The following CSMD1 variants were observed in gnomAD, a reference collection of about 807,000 sequenced individuals.
CSMD1 encodes the protein CUB and Sushi multiple domains 1.
A neutral mutation model predicts 417.5 loss-of-function variants in CSMD1; 213 were observed. The observed-to-expected ratio is 0.51, with a 90% CI of 0.46 to 0.57. The LOEUF (loss-of-function observed/expected upper bound fraction) is 0.57, where lower values mean the gene tolerates loss of function less well. CSMD1 is among the 20% of genes least tolerant of loss of function. CSMD1 has a pLI of 0.00. For synonymous variants in CSMD1, 2,862 were observed against 1,736.8 expected, an observed-to-expected ratio of 1.65 and a Z score of -16.11; for missense variants, 6,923 against 4,529.7, an observed-to-expected ratio of 1.53 and a Z score of -15.17.
chr8:3,549,172 G>T (rs951207357), intron 10 of CSMD1, among the ~76,000 whole-genome samples: 1 of 152,148 alleles, frequency 6.6e-6, no homozygotes, highest in African/African-American at 2.4e-5. Context: ...TACAGCTCAC[G>T]GTCCACATCC....
intron 21 of CSMD1, among the ~76,000 whole-genome samples, chr8:3,358,941 G>A (rs908340148): frequency 2.0e-5 from 3 of 151,948 alleles, no homozygotes; most frequent in African/African-American, 7.3e-5. Flanking sequence ...AAATTTCAGA[G>A]CTGAAAGGGA....
At chr8:4,465,108 A>C (rs890848866) in intron 2 of CSMD1, among the ~76,000 whole-genome samples, 1 of 152,164 alleles carries the variant, frequency 6.6e-6, no homozygotes, top group Non-Finnish European at 1.5e-5. Context: ...GGGAGACACT[A>C]ACAGTTAATT....
intron 1 of CSMD1, among the ~76,000 whole-genome samples, chr8:4,686,566 A>C (rs1806398765): frequency 6.6e-6 from 1 of 152,204 alleles, no homozygotes; most frequent in South Asian, 2.1e-4. Flanking sequence ...GCTGATTTAT[A>C]AGCATTAGAT....
At chr8:4,225,237 A>G (rs993777279) in intron 3 of CSMD1, among the ~76,000 whole-genome samples, 4 of 152,236 alleles carry the variant, frequency 2.6e-5, no homozygotes, top group African/African-American at 9.6e-5. Context: ...TGAAAGGAGA[A>G]TCAATGACAA....
intron 5 of CSMD1, among the ~76,000 whole-genome samples, chr8:3,901,371 G>C (rs949143165): frequency 6.6e-6 from 1 of 152,166 alleles, no homozygotes; most frequent in Non-Finnish European, 1.5e-5. Context: ...TTGATTGGAA[G>C]TGAAGATGGG....
intron 5 of CSMD1, among the ~76,000 whole-genome samples, chr8:3,842,985 G>A (rs952588006): frequency 6.6e-6 from 1 of 152,114 alleles, no homozygotes; most frequent in African/African-American, 2.4e-5. Context: ...TGTTTAGTTT[G>A]CTCAGTTTGA....
chr8:3,202,330 G>T (rs912291755), intron 31 of CSMD1, among the ~76,000 whole-genome samples: 2 of 152,104 alleles, frequency 1.3e-5, no homozygotes, highest in Admixed American at 1.3e-4. Context: ...ACATTAATAC[G>T]TTGCCGTATT....
rs147114727 is a variant in CSMD1 at position 3,103,887 on chromosome 8, G to A, written c.6949+2641C>T. Among the ~76,000 whole-genome samples, 280 of 152,060 alleles carry A rather than the reference G, an allele frequency of 1.8e-3. 6 individuals carry two copies. In the East Asian group the frequency reaches 0.042, roughly 23 times the overall value. ...GCCTCCCAAGTAGCTGGGATTACAG[G>A]CACGTGCCACCACACGCAGCTAATT... On this transcript the variant is annotated intron_variant, in intron 46 of 69. Coordinates refer to ENST00000635120, the MANE Select transcript of CSMD1 (RefSeq NM_033225.6).
intron 6 of CSMD1, among the ~76,000 whole-genome samples, chr8:3,728,664 CAGA>C (rs1195881946): frequency 2.0e-5 from 3 of 151,856 alleles, no homozygotes; most frequent in African/African-American, 7.3e-5. Context: ...ACAGATGGAA[CAGA>C]AGGAGAAAGT....
intron 1 of CSMD1, among the ~76,000 whole-genome samples, chr8:4,818,275 G>C (rs1190399004): frequency 1.3e-5 from 2 of 152,066 alleles, no homozygotes; most frequent in Non-Finnish European, 2.9e-5. Context: ...AGGTCACCCC[G>C]ATTTAGTCTA....
intron 1 of CSMD1, among the ~76,000 whole-genome samples, chr8:4,844,811 C>A (rs936522726): frequency 1.3e-5 from 2 of 152,074 alleles, no homozygotes; most frequent in African/African-American, 2.4e-5. Context: ...TTCTCATTCA[C>A]GGGACAATCC....
intron 5 of CSMD1, among the ~76,000 whole-genome samples, chr8:3,995,248 C>G (rs762767761): frequency 9.2e-5 from 14 of 152,120 alleles, no homozygotes; most frequent in South Asian, 2.1e-4. Flanking sequence ...TTTAGGAGAA[C>G]CATCTTTTGC....
chr8:3,262,594 T>G (rs763569158), intron 26 of CSMD1, among the ~76,000 whole-genome samples: 1 of 151,364 alleles, frequency 6.6e-6, no homozygotes, highest in Non-Finnish European at 1.5e-5. Flanking sequence ...TTAAAACCTC[T>G]GAAAATGTGA....
At chr8:3,548,226 A>G (rs1294284809) in intron 10 of CSMD1, among the ~76,000 whole-genome samples, 1 of 152,196 alleles carries the variant, frequency 6.6e-6, no homozygotes, top group Non-Finnish European at 1.5e-5. Flanking sequence ...TGATGGAGCC[A>G]TCTCAGTGCC....
intron 2 of CSMD1, among the ~76,000 whole-genome samples, chr8:4,532,700 GAAAAGAAATCCTGCACCCCCATTC>G (rs1287857818): frequency 7.8e-5 from 9 of 115,806 alleles, no homozygotes; most frequent in Non-Finnish European, 1.3e-4. Flanking sequence ...CAATCACTTT[GAAAAGAAATCCTGCACCCCCATTC>G]AGTCACTCCA....
chr8:3,763,242 G>T (rs916066912), intron 5 of CSMD1, among the ~76,000 whole-genome samples: 3 of 152,254 alleles, frequency 2.0e-5, no homozygotes, highest in East Asian at 1.9e-4. Flanking sequence ...TATGATGCCA[G>T]CTAGGGTGCT....
chr8:3,915,750 C>T (rs1468583036), intron 5 of CSMD1, among the ~76,000 whole-genome samples: 1 of 149,986 alleles, frequency 6.7e-6, no homozygotes, highest in Admixed American at 6.7e-5. Flanking sequence ...ATTATGAACT[C>T]TCTCGCTTTC....
intron 5 of CSMD1, among the ~76,000 whole-genome samples, chr8:3,989,211 A>C (rs1258411985): frequency 1.3e-5 from 2 of 152,104 alleles, no homozygotes; most frequent in Non-Finnish European, 2.9e-5. Flanking sequence ...TGTGGCAATC[A>C]CTTCTATTTT....
At chr8:3,956,005 G>A (rs1189127254) in intron 5 of CSMD1, among the ~76,000 whole-genome samples, 1 of 152,168 alleles carries the variant, frequency 6.6e-6, no homozygotes, top group Non-Finnish European at 1.5e-5. Flanking sequence ...ATATTGGCCA[G>A]GATGGTCTCG....
Sources: allele counts gnomAD v4.1 joint callset (sites outside exome capture counted in the v4.1 genomes callset), GRCh38; gene constraint gnomAD v4.1.1; transcripts MANE v1.5; gene names NCBI Gene and HGNC (gene_info 2026-07-23, HGNC 2026-07-21).